Variants in DPP10 observed in about 807,000 individuals in gnomAD.
DPP10 encodes dipeptidyl peptidase like 10.
In DPP10, 33 loss-of-function variants were observed where a neutral mutation model predicts 120.9. The ratio of observed to expected loss-of-function variants is 0.27; its 90% CI spans 0.21 to 0.37. DPP10 has a LOEUF of 0.37. Among genes scored for constraint, DPP10 ranks in the 10% least tolerant of loss-of-function variants. DPP10 has a pLI of 1.00. For missense variants in DPP10, 816 were observed against 942.8 expected (o/e 0.87, Z 1.76); for synonymous variants, 337 against 326.1 (o/e 1.03, Z -0.36).
rs544630689 is a variant in DPP10, at chr2:114,929,734, C to T, written c.61-379505C>T. Among the ~76,000 whole-genome samples the T allele has an allele frequency of 6.6e-5, 10 of 152,116 alleles. No individual in the cohort carries two copies. In the South Asian group the frequency reaches 1.0e-3, roughly 16 times the overall value. The stretch of plus-strand genomic sequence containing the variant: ...ACGCAATCATCACAGGGTCCTGAGG[C>T]GACATACATCTTCAGCTTACGAAGA... On this transcript the variant is annotated intron_variant, in intron 1 of 25. Coordinates refer to ENST00000410059, the MANE Select transcript of DPP10 (RefSeq NM_020868.6).
At chr2:115,311,187 T>C (rs976905274) in intron 2 of DPP10, among the ~76,000 whole-genome samples, 8 of 152,330 alleles carry the variant, frequency 5.3e-5, no homozygotes, top group African/African-American at 1.9e-4. Context: ...ACAGTAGTTT[T>C]GTGCAATTTG....
At chr2:115,105,417 C>A (rs1202128296) in intron 1 of DPP10, among the ~76,000 whole-genome samples, 1 of 122,960 alleles carries the variant, frequency 8.1e-6, no homozygotes, top group African/African-American at 3.2e-5. Flanking sequence ...AGATGTGTCA[C>A]ATGGTGAGAG....
Position 114,505,045 on chromosome 2 carries a change from C to T in DPP10, c.60+62207C>T. On this transcript the variant is annotated intron_variant, in intron 1 of 25. Transcript: ENST00000410059. ...CCAGCCTGGGCAACAGAGTGAGACT[C>T]TGTCTCAAAAAAAAAAAAAAAAAAA... 2.3e-5 allele frequency among the ~76,000 whole-genome samples: 2 copies of T among 87,584 alleles called. 1 individual carries two copies. 57.5% of individuals were successfully genotyped at this position (87,584 alleles called of 152,430 possible).
chr2:115,718,935 C>T (rs1262150219), intron 7 of DPP10, among the ~76,000 whole-genome samples: 1 of 152,034 alleles, frequency 6.6e-6, no homozygotes, highest in Admixed American at 6.6e-5. Context: ...CATAAATCAA[C>T]ACATAAGGGA....
intron 1 of DPP10, among the ~76,000 whole-genome samples, chr2:114,690,909 A>G (rs1254366325): frequency 2.0e-5 from 3 of 152,084 alleles, no homozygotes; most frequent in South Asian, 2.1e-4. Context: ...ATTTTTGCAC[A>G]TAGATTTTGT....
chr2:115,202,907 A>G (rs2055841681), intron 1 of DPP10, among the ~76,000 whole-genome samples: 1 of 152,212 alleles, frequency 6.6e-6, no homozygotes, highest in East Asian at 1.9e-4. Flanking sequence ...CTCTTGTTTG[A>G]CTGCCTAATG....
chr2:115,405,187 A>G (rs186509366), intron 3 of DPP10, among the ~76,000 whole-genome samples: 25 of 152,352 alleles, frequency 1.6e-4, no homozygotes, highest in Admixed American at 1.2e-3. Context: ...TCTAAATACA[A>G]TGGTGGAACA....
intron 1 of DPP10, among the ~76,000 whole-genome samples, chr2:114,841,502 T>G (rs775858692): frequency 9.2e-5 from 14 of 152,088 alleles, no homozygotes; most frequent in South Asian, 2.1e-4. Context: ...TGAAACTGAG[T>G]GATTTCAAAT....
intron 1 of DPP10, among the ~76,000 whole-genome samples, chr2:114,728,734 C>CT (rs1366589422): frequency 1.3e-5 from 2 of 152,166 alleles, no homozygotes; most frequent in South Asian, 2.1e-4. Flanking sequence ...CTCTAATCGT[C>CT]TATTATTCCA....
rs1438743709 is a variant in DPP10 at position 114,871,252 on chromosome 2, G to C, written c.60+428414G>C. On this transcript the variant is annotated intron_variant, in intron 1 of 25. Transcript: ENST00000410059. Reference sequence around the variant, plus strand: ...AATCCATCTTTCTCTATTATTGGGGGAAAGAACACTGAAGAAACAAGACTT... The same window carrying C: ...AATCCATCTTTCTCTATTATTGGGGCAAAGAACACTGAAGAAACAAGACTT... Among the ~76,000 whole-genome samples the C allele has an allele frequency of 3.7e-3, 562 of 150,610 alleles. 68 individuals are homozygous for C. Among genetic ancestry groups the C allele is most frequent in the East Asian group, 0.011 (55 of 5,040 alleles).
At chr2:114,792,353 T>G (rs1683330662) in intron 1 of DPP10, among the ~76,000 whole-genome samples, 1 of 152,200 alleles carries the variant, frequency 6.6e-6, no homozygotes, top group South Asian at 2.1e-4. Flanking sequence ...ATACCCACTT[T>G]GGAAAGATAC....
chr2:114,662,329 CG>C (rs1188243690), intron 1 of DPP10, among the ~76,000 whole-genome samples: 1 of 152,160 alleles, frequency 6.6e-6, no homozygotes, highest in Non-Finnish European at 1.5e-5. Flanking sequence ...GGCCTCCCTG[CG>C]GGGGCGCGGG....
At chr2:114,881,049 C>T (rs749548761) in intron 1 of DPP10, among the ~76,000 whole-genome samples, 2 of 152,080 alleles carry the variant, frequency 1.3e-5, no homozygotes, top group Non-Finnish European at 2.9e-5. Flanking sequence ...TACTCAATCC[C>T]ATATGTCTGA....
intron 3 of DPP10, among the ~76,000 whole-genome samples, chr2:115,438,428 G>T (rs747000451): frequency 3.3e-5 from 5 of 152,138 alleles, no homozygotes; most frequent in South Asian, 2.1e-4. Flanking sequence ...ATATACTTGC[G>T]TGCCAATTAT....
At chr2:114,517,977 A>AAT (rs1684740907) in intron 1 of DPP10, among the ~76,000 whole-genome samples, 1 of 151,648 alleles carries the variant, frequency 6.6e-6, no homozygotes, top group Non-Finnish European at 1.5e-5. Flanking sequence ...TCATTTGTAG[A>AAT]GTCTTCCTCA....
At chr2:115,349,150 A>G (rs62167319) in intron 3 of DPP10, among the ~76,000 whole-genome samples, 61,193 of 152,042 alleles carry the variant, frequency 0.4, 15,037 homozygotes, top group Non-Finnish European at 0.55. Flanking sequence ...ATAAATGATA[A>G]TATGTGAGGC....
intron 1 of DPP10, among the ~76,000 whole-genome samples, chr2:114,475,197 C>T (rs897041626): frequency 6.6e-6 from 1 of 152,190 alleles, no homozygotes; most frequent in Non-Finnish European, 1.5e-5. Flanking sequence ...GTTGCACTCC[C>T]AGATTTTTAA....
intron 3 of DPP10, among the ~76,000 whole-genome samples, chr2:115,406,225 A>G (rs2068499298): frequency 6.6e-6 from 1 of 152,190 alleles, no homozygotes; most frequent in Non-Finnish European, 1.5e-5. Flanking sequence ...ATGTCTAACA[A>G]AGATGGCCTT....
intron 25 of DPP10, 101 bp from the exon 26 acceptor site, chr2:115,842,110 T>G: frequency 8.0e-7 from 1 of 1,252,894 alleles, no homozygotes; most frequent in Non-Finnish European, 1.1e-6. Context: ...TGGTCAGATA[T>G]TATTACTCAA....
Sources: allele counts gnomAD v4.1 joint callset (sites outside exome capture counted in the v4.1 genomes callset), GRCh38; gene constraint gnomAD v4.1.1; transcripts MANE v1.5; gene names NCBI Gene and HGNC (gene_info 2026-07-23, HGNC 2026-07-21).